The following APP variants were observed in gnomAD, a reference collection of about 807,000 sequenced individuals.
APP encodes amyloid beta precursor protein.
Under a neutral mutation model 101.4 loss-of-function variants are expected in APP, and 31 were observed. That is an observed-to-expected ratio of 0.31 (90% confidence interval 0.23 to 0.41). The LOEUF is 0.41. APP is among the 10% of genes least tolerant of loss of function. APP has a pLI of 1.00. For synonymous variants in APP, 366 were observed against 364.4 expected (o/e 1.00, Z -0.05); for missense variants, 839 against 1,003.7 (o/e 0.84, Z 2.22).
chr21:26,102,996 G>A (rs916300927), intron 2 of APP, among the ~76,000 whole-genome samples: 1 of 150,176 alleles, frequency 6.7e-6, no homozygotes, highest in Non-Finnish European at 1.5e-5. Flanking sequence ...ATAAATAACA[G>A]AGGAAAAGCA....
intron 5 of APP, among the ~76,000 whole-genome samples, chr21:26,043,736 C>G (rs2045478129): frequency 6.6e-6 from 1 of 152,126 alleles, no homozygotes. Flanking sequence ...AATGTAAATT[C>G]TTGGTAAGTA....
chr21:25,899,781 C>T (rs897512602), intron 15 of APP, among the ~76,000 whole-genome samples: 6 of 152,224 alleles, frequency 3.9e-5, no homozygotes, highest in Admixed American at 6.5e-5. Flanking sequence ...GCTAAATTCT[C>T]GCGTTATTTG....
intron 4 of APP, among the ~76,000 whole-genome samples, chr21:26,052,258 C>A (rs2045867410): frequency 6.6e-6 from 1 of 152,110 alleles, no homozygotes; most frequent in Admixed American, 6.5e-5. Flanking sequence ...GGGTGGTTAT[C>A]CTGTTGACTG....
chr21:26,042,245 C>G (rs2045404941), intron 5 of APP, among the ~76,000 whole-genome samples: 1 of 152,112 alleles, frequency 6.6e-6, no homozygotes, highest in South Asian at 2.1e-4. Context: ...GATATATAGT[C>G]AAATACAGCC....
At chr21:25,927,421 T>A (rs143117393) in intron 13 of APP, among the ~76,000 whole-genome samples, 55 of 152,322 alleles carry the variant, frequency 3.6e-4, no homozygotes, top group African/African-American at 1.3e-3. Context: ...CAGCCCTGTA[T>A]GACGCGGCCA....
At chr21:26,115,320 T>A (rs202034887) in intron 1 of APP, among the ~76,000 whole-genome samples, 3 of 88,118 alleles carry the variant, frequency 3.4e-5, no homozygotes, top group Admixed American at 1.2e-4. Flanking sequence ...TCAAGTAAAA[T>A]TTTTTCCCCC....
chr21:26,123,212 G>T (rs892482721), intron 1 of APP, among the ~76,000 whole-genome samples: 17 of 152,140 alleles, frequency 1.1e-4, no homozygotes, highest in African/African-American at 4.1e-4. Context: ...CTTTCAAAGT[G>T]TCATAACATT....
At chr21:26,090,394 A>G (rs996956197) in intron 2 of APP, among the ~76,000 whole-genome samples, 1 of 152,158 alleles carries the variant, frequency 6.6e-6, no homozygotes, top group African/African-American at 2.4e-5. Flanking sequence ...TGGGATACTC[A>G]ACCTATACCA....
intron 3 of APP, among the ~76,000 whole-genome samples, chr21:26,073,622 G>A (rs943629838): frequency 1.3e-5 from 2 of 152,170 alleles, no homozygotes; most frequent in East Asian, 3.8e-4. Context: ...TGGAGTGAGG[G>A]ATCAGGGAGC....
intron 5 of APP, among the ~76,000 whole-genome samples, chr21:26,025,349 C>T (rs2044523473): frequency 6.6e-6 from 1 of 152,314 alleles, no homozygotes; most frequent in Non-Finnish European, 1.5e-5. Context: ...CTAACTAGCG[C>T]TGTTTTCCAA....
At chr21:26,164,590 C>T (rs1569052947) in intron 1 of APP, among the ~76,000 whole-genome samples, 1 of 152,066 alleles carries the variant, frequency 6.6e-6, no homozygotes, top group Non-Finnish European at 1.5e-5. Flanking sequence ...CCAGTGTGTA[C>T]AACATTAAAA....
intron 13 of APP, among the ~76,000 whole-genome samples, chr21:25,926,537 AT>A (rs1416673036): frequency 6.6e-6 from 1 of 152,138 alleles, no homozygotes; most frequent in East Asian, 1.9e-4. Flanking sequence ...GATAACCACA[AT>A]AATCTTCCTT....
At chr21:26,069,266 C>T (rs887727542) in intron 3 of APP, among the ~76,000 whole-genome samples, 4 of 152,186 alleles carry the variant, frequency 2.6e-5, no homozygotes, top group Non-Finnish European at 5.9e-5. Flanking sequence ...CTCTACTCCA[C>T]TCAAACTCTC....
intron 1 of APP, among the ~76,000 whole-genome samples, chr21:26,117,181 G>A (rs1018882455): frequency 3.9e-5 from 6 of 152,234 alleles, no homozygotes; most frequent in Non-Finnish European, 2.9e-5. Flanking sequence ...ACTGTGCCCA[G>A]CTTTGTAGCG....
intron 13 of APP, among the ~76,000 whole-genome samples, chr21:25,930,504 CA>C (rs1306373770): frequency 2.0e-5 from 3 of 152,212 alleles, no homozygotes; most frequent in Non-Finnish European, 4.4e-5. Flanking sequence ...AACATCCATA[CA>C]TAGTGAATTT....
chr21:26,138,979 G>T (rs2062982031), intron 1 of APP, among the ~76,000 whole-genome samples: 1 of 152,204 alleles, frequency 6.6e-6, no homozygotes, highest in East Asian at 1.9e-4. Flanking sequence ...AGACTGGCGG[G>T]GTGGGGCGGG....
chr21:25,897,798 A>G, intron 15 of APP, 125 bp from the exon 16 acceptor site: 1 of 768,096 alleles, frequency 1.3e-6, no homozygotes, highest in South Asian at 1.5e-5. Flanking sequence ...AAATTGATAA[A>G]TGACTCTTAA....
rs2041235643 is a variant in APP at position 25,954,660 on chromosome 21, C to T, written c.1617G>A (p.Glu539=). 2 of 1,613,970 alleles carry T rather than the reference C, an allele frequency of 1.2e-6. No homozygotes were observed. Among genetic ancestry groups the T allele is most frequent in the South Asian group, 2.2e-5 (2 of 91,042 alleles). The part of the protein sequence containing the change: ...QVMTHLRVIY[E]RMNQSLSLLY... ...GCAGGGAGAGAGACTGATTCATGCGCTCATAAATCACACGGAGGTGTGTCA... is the reference window on the plus strand; with the variant it reads ...GCAGGGAGAGAGACTGATTCATGCGTTCATAAATCACACGGAGGTGTGTCA... The change falls in exon 13 of 18, where the codon GAG becomes GAA. Residue 539 remains glutamate, a synonymous_variant. Coordinates refer to ENST00000346798, the MANE Select transcript of APP (RefSeq NM_000484.4).
chr21:25,964,939 C>T (rs142355497), intron 11 of APP, among the ~76,000 whole-genome samples: 281 of 152,238 alleles, frequency 1.8e-3, no homozygotes, highest in African/African-American at 6.2e-3. Context: ...AAATTTTTTC[C>T]AGGGTATTTT....
Sources: gnomAD v4.1 joint callset for allele counts (sites outside exome capture counted in the v4.1 genomes callset) on GRCh38, gnomAD v4.1.1 for gene constraint, MANE v1.5 for transcripts, NCBI Gene and HGNC (gene_info 2026-07-23, HGNC 2026-07-21) for gene names.